ZNF638: variants seen among roughly 807,000 people sequenced by gnomAD.
The protein encoded by ZNF638 is zinc finger protein 638, also known as CTCL tumor antigen se33-1.
In ZNF638, 46 loss-of-function variants were observed where a neutral mutation model predicts 195.6. That is an observed-to-expected ratio of 0.24 (90% confidence interval 0.19 to 0.30). The LOEUF is 0.30. ZNF638 is among the 10% of genes least tolerant of loss of function. The pLI is 1.00. For synonymous variants in ZNF638, 845 were observed against 772.0 expected, an observed-to-expected ratio of 1.09 and a Z score of -1.57; for missense variants, 2,440 against 2,325.3, an observed-to-expected ratio of 1.05 and a Z score of -1.01.
At chr2:71,333,905 A>G (rs2078617623) in intron 1 of ZNF638, among the ~76,000 whole-genome samples, 1 of 152,216 alleles carries the variant, frequency 6.6e-6, no homozygotes, top group South Asian at 2.1e-4. Flanking sequence ...TTCAAAATTG[A>G]AGTGCTTAGG....
At chr2:71,410,972 C>CA (rs2080203740) in intron 20 of ZNF638, among the ~76,000 whole-genome samples, 1 of 106,068 alleles carries the variant, frequency 9.4e-6, no homozygotes, top group Non-Finnish European at 1.9e-5. Context: ...TTTTTCTCCC[C>CA]ACCCACCACC....
chr2:71,385,424 T>C (rs928495931), intron 10 of ZNF638, among the ~76,000 whole-genome samples: 7 of 152,212 alleles, frequency 4.6e-5, no homozygotes, highest in Non-Finnish European at 1.0e-4. Flanking sequence ...TAAAAAGTTT[T>C]ATATTATAAA....
Position 71,427,354 on chromosome 2 carries a change from C to T in ZNF638, c.5485C>T (p.Pro1829Ser). ...TKLESLSQVG[P>S]VNENVMEEDL... The stretch of plus-strand genomic sequence containing the variant: ...ACTTGAATCCTTGTCCCAAGTGGGT[C>T]CAGTAAATGAGAATGTTATGGAAGA... Residue 1829 changes from proline to serine, a missense_variant, in exon 24 of 28, where the codon CCA becomes TCA. Physicochemically the swap from Pro to Ser is moderately conservative, Grantham distance 74. Transcript: ENST00000264447. 6.3e-7 allele frequency: 1 copy of T among 1,595,818 alleles called. No homozygotes were observed. Among genetic ancestry groups the T allele is most frequent in the East Asian group, 2.2e-5 (1 of 44,772 alleles).
rs574500323 is a variant in ZNF638 at position 71,354,955 on chromosome 2, A to ATTTTAT, written c.1318-741_1318-736dup. Among the ~76,000 whole-genome samples the ATTTTAT allele has an allele frequency of 4.4e-3, 663 of 151,752 alleles. 5 individuals are homozygous for ATTTTAT. Among genetic ancestry groups the ATTTTAT allele is most frequent in the Non-Finnish European group, 6.3e-3 (429 of 67,872 alleles). ...TACTGGTCTATCAGGTAGCATTTTT[A>ATTTTAT]TTTTATTTTTATTTTTATTTTTATT... is the stretch of plus-strand genomic sequence containing the variant. On this transcript the variant is annotated intron_variant, in intron 2 of 27. Transcript: ENST00000264447.
At chr2:71,410,146 G>A (rs2080183157) in intron 20 of ZNF638, among the ~76,000 whole-genome samples, 1 of 152,094 alleles carries the variant, frequency 6.6e-6, no homozygotes, top group Non-Finnish European at 1.5e-5. Context: ...AAGGTTTTAG[G>A]ATTTATATTA....
In ZNF638 at chr2:71,422,892, G is replaced by T. The variant is rs762881231; in HGVS notation, c.3378G>T (p.Glu1126Asp). The change falls in exon 22 of 28, where the codon GAG (glutamate) becomes GAT (aspartate). Residue 1126 changes from glutamate (E) to aspartate (D), a missense_variant. Physicochemically the swap from Glu to Asp is conservative, Grantham distance 45 (BLOSUM62 2). Around this residue, in one of 5 missense-constraint regions of ZNF638, gnomAD observed 1,883 missense variants for 1,739.1 expected, o/e 1.08. Transcript: ENST00000264447. The part of the protein sequence containing the change: ...ATDSPSVKPN[E>D]LEEESTPSIQ... The stretch of plus-strand genomic sequence containing the variant: ...ATAGTCCCTCTGTTAAACCTAATGA[G>T]CTTGAAGAAGAAAGTACTCCCAGCA... 6.2e-7 allele frequency: 1 copy of T among 1,613,950 alleles called. No homozygotes were observed. The highest frequency in any genetic ancestry group is 8.5e-7 in the Non-Finnish European group (1 of 1,179,982).
rs34538815 is a variant in ZNF638 at position 71,399,549 on chromosome 2, CT to C, written c.2501-6del. On this transcript the variant is annotated splice_polypyrimidine_tract_variant and intron_variant, in intron 12 of 27. Transcript: ENST00000264447. ...ACCTTTAGAATAATGGCTGACTGTACTTTTACAAGCAAAATCTGGTGGAAAG... is the reference window on the plus strand; with the variant it reads ...ACCTTTAGAATAATGGCTGACTGTACTTTACAAGCAAAATCTGGTGGAAAG... 0.16 allele frequency: 261,660 copies of C among 1,604,722 alleles called. 23,260 individuals carry two copies. Among genetic ancestry groups the C allele is most frequent in the African/African-American group, 0.29 (21,841 of 74,298 alleles).
chr2:71,347,630 A>G (rs1293902954), intron 1 of ZNF638, among the ~76,000 whole-genome samples: 1 of 152,226 alleles, frequency 6.6e-6, no homozygotes, highest in Non-Finnish European at 1.5e-5. Flanking sequence ...AGCATAGTCT[A>G]TATGCTCATA....
intron 21 of ZNF638, 68 bp from the exon 22 acceptor site, chr2:71,422,746 T>C: frequency 6.7e-7 from 1 of 1,486,970 alleles, no homozygotes; most frequent in South Asian, 1.3e-5. Context: ...GGTTGAATTC[T>C]CATCATAGTT....
chr2:71,334,747 A>G (rs1194067951), intron 1 of ZNF638, among the ~76,000 whole-genome samples: 1 of 151,976 alleles, frequency 6.6e-6, no homozygotes, highest in Non-Finnish European at 1.5e-5. Flanking sequence ...GTGAATCCCC[A>G]TCTCTACTAA....
chr2:71,405,257 C>T (rs2080084179), intron 17 of ZNF638, among the ~76,000 whole-genome samples: 1 of 152,172 alleles, frequency 6.6e-6, no homozygotes, highest in Non-Finnish European at 1.5e-5. Context: ...TCATCTCCTA[C>T]TTTGCTTAGT....
intron 10 of ZNF638, chr2:71,393,643 G>A (rs1401288448): frequency 1.4e-6 from 1 of 717,816 alleles, no homozygotes; most frequent in Admixed American, 2.0e-5. Context: ...TCTGCTCTCT[G>A]GTGTAAGTTA....
At chr2:71,380,334 A>C in intron 9 of ZNF638, 54 bp downstream of exon 9, 5 of 1,370,638 alleles carry the variant, frequency 3.6e-6, no homozygotes, top group Non-Finnish European at 5.0e-6. Flanking sequence ...ATGACTTAAG[A>C]AATTTTAATT....
chr2:71,359,945 T>C (rs1438141496), intron 3 of ZNF638, among the ~76,000 whole-genome samples: 1 of 152,214 alleles, frequency 6.6e-6, no homozygotes, highest in Non-Finnish European at 1.5e-5. Flanking sequence ...GCTGTGTTTA[T>C]TGTGTGCTGG....
At position 71,400,016 on chromosome 2, in the gene ZNF638, C is replaced by CTT. The variant is rs566761867; in HGVS notation, c.2588-95_2588-94dup. 402 of 1,014,916 alleles carry CTT rather than the reference C, an allele frequency of 4.0e-4. 5 individuals carry two copies. The East Asian group carries it at 9.7e-3, about 25-fold the overall frequency. The allele number at this position is 1,014,916 out of a possible 1,614,324, so 62.9% of individuals were successfully genotyped here. A position where few individuals can be genotyped will look rare whatever the true frequency, so the allele number is the denominator to read the frequency against. ...CTTATGTCAGGTCAGCCTAAGGAGA[C>CTT]TTGAAATGTCAAACTAGCTTAAGTT... On this transcript the variant is annotated intron_variant, in intron 13 of 27. Transcript: ENST00000264447.
intron 15 of ZNF638, 133 bp from the exon 16 acceptor site, chr2:71,401,823 C>T: frequency 1.4e-6 from 1 of 730,842 alleles, no homozygotes; most frequent in Non-Finnish European, 2.0e-6. Context: ...TTCAGACCAG[C>T]CTCTTGAGTT....
chr2:71,382,234 T>G (rs2079546733), intron 10 of ZNF638, among the ~76,000 whole-genome samples: 1 of 152,214 alleles, frequency 6.6e-6, no homozygotes, highest in Non-Finnish European at 1.5e-5. Context: ...AAGTTTCAGC[T>G]GTCACGAGTA....
chr2:71,388,862 C>T (rs540106946), intron 10 of ZNF638: 49 of 644,620 alleles, frequency 7.6e-5, no homozygotes, highest in East Asian at 3.3e-4. Flanking sequence ...CTAGCAGAGC[C>T]TCGGTTTCAC....
At chr2:71,396,006 C>G (rs1466348641) in intron 10 of ZNF638, 135 bp from the exon 11 acceptor site, 7 of 737,762 alleles carry the variant, frequency 9.5e-6, no homozygotes, top group Non-Finnish European at 1.6e-5. Context: ...CATAGTAATT[C>G]CATGGACATA....
Sources: allele counts gnomAD v4.1 joint callset (sites outside exome capture counted in the v4.1 genomes callset), GRCh38; gene constraint gnomAD v4.1.1; regional missense constraint gnomAD v4.1.1; transcripts MANE v1.5; gene names NCBI Gene and HGNC (gene_info 2026-07-23, HGNC 2026-07-21).